Variants in SLC12A8 observed in about 807,000 individuals in gnomAD.
SLC12A8 encodes the protein solute carrier family 12 member 8, also known as cation-chloride cotransporter 9.
Under a neutral mutation model 75.6 loss-of-function variants are expected in SLC12A8, and 69 were observed. That is an observed-to-expected ratio of 0.91 (90% CI 0.75 to 1.11). The LOEUF is 1.11. Among genes scored for constraint, SLC12A8 ranks in the 50% most tolerant of loss-of-function variants. SLC12A8 has a pLI of 0.00. For synonymous variants in SLC12A8, 365 were observed against 372.8 expected (o/e 0.98, Z 0.24); for missense variants, 877 against 896.7 (o/e 0.98, Z 0.28).
chr3:125,201,529 CT>C (rs1935117989), intron 2 of SLC12A8, among the ~76,000 whole-genome samples: 1 of 151,970 alleles, frequency 6.6e-6, no homozygotes, highest in Admixed American at 6.6e-5. Flanking sequence ...AATCCCAGTA[CT>C]TTGGGAGGCC....
rs559650778 is a variant in SLC12A8, at chr3:125,190,576, G to A, written c.52-55C>T. 1.0e-5 allele frequency: 16 copies of A among 1,596,844 alleles called. No individual in the cohort carries two copies. The African/African-American group carries it at 1.5e-4, about 15-fold the overall frequency. ...AGGGGCCATTGGGAGGGCCAGGGATGGCATGAGAGTGGAACAGGAGGAGGG... is the reference window on the plus strand; with the variant it reads ...AGGGGCCATTGGGAGGGCCAGGGATAGCATGAGAGTGGAACAGGAGGAGGG... On this transcript the variant is annotated intron_variant, in intron 2 of 13. Coordinates refer to ENST00000469902, the MANE Select transcript of SLC12A8 (RefSeq NM_024628.6).
At chr3:125,201,472 A>G (rs1483196101) in intron 2 of SLC12A8, among the ~76,000 whole-genome samples, 1 of 152,114 alleles carries the variant, frequency 6.6e-6, no homozygotes, top group Non-Finnish European at 1.5e-5. Flanking sequence ...TTAAAGCATT[A>G]TTGTATTAGA....
intron 5 of SLC12A8, among the ~76,000 whole-genome samples, chr3:125,160,062 C>G (rs1289396769): frequency 6.6e-6 from 1 of 152,212 alleles, no homozygotes; most frequent in Non-Finnish European, 1.5e-5. Context: ...CCTGCCTCAG[C>G]CTTCTGAGTA....
intron 7 of SLC12A8, 190 bp from the exon 8 acceptor site, chr3:125,119,046 C>A: frequency 2.0e-6 from 1 of 488,254 alleles, no homozygotes; most frequent in East Asian, 3.4e-5. Context: ...TATTTCTTAC[C>A]AAAAAAGGGG....
At chr3:125,193,204 G>T (rs1300993907) in intron 2 of SLC12A8, among the ~76,000 whole-genome samples, 1 of 152,080 alleles carries the variant, frequency 6.6e-6, no homozygotes, top group Non-Finnish European at 1.5e-5. Flanking sequence ...CCCTGTCTCT[G>T]CTAAAAAATA....
At chr3:125,085,958 G>A (rs759809799) in intron 13 of SLC12A8, among the ~76,000 whole-genome samples, 28 of 150,180 alleles carry the variant, frequency 1.9e-4, no homozygotes, top group South Asian at 6.3e-4. Flanking sequence ...AGACTGGAGC[G>A]CAATGGTGCG....
chr3:125,092,955 A>G (rs1406572951), intron 10 of SLC12A8, among the ~76,000 whole-genome samples: 1 of 152,190 alleles, frequency 6.6e-6, no homozygotes, highest in East Asian at 1.9e-4. Context: ...TGTACACTGT[A>G]GCCATTAGGC....
chr3:125,201,628 C>T (rs1214902187), intron 2 of SLC12A8, among the ~76,000 whole-genome samples: 2 of 148,228 alleles, frequency 1.3e-5, no homozygotes, highest in Non-Finnish European at 3.0e-5. Flanking sequence ...TTTAAAATAA[C>T]CAGGCATGGT....
Position 125,088,465 on chromosome 3 carries a change from C to T in SLC12A8, c.1922-95G>A. Reference sequence around the variant, plus strand: ...TAGGGTGAATGCAAACCCCAATACACACACACGCACAGAATTAACACAAAT... The same window carrying T: ...TAGGGTGAATGCAAACCCCAATACATACACACGCACAGAATTAACACAAAT... On this transcript the variant is annotated intron_variant, in intron 12 of 13. Transcript: ENST00000469902. The T allele has an allele frequency of 5.5e-6, 5 of 904,846 alleles. No individual in the cohort carries two copies. In the Admixed American group the frequency reaches 9.8e-5, roughly 18 times the overall value. The allele number at this position is 904,846 out of a possible 1,614,324, so 56.1% of individuals were successfully genotyped here.
At chr3:125,148,618 C>T (rs1933844048) in intron 5 of SLC12A8, among the ~76,000 whole-genome samples, 1 of 152,156 alleles carries the variant, frequency 6.6e-6, no homozygotes, top group African/African-American at 2.4e-5. Flanking sequence ...CCAGCTCCAC[C>T]TCTGGGTTCA....
chr3:125,147,007 T>C (rs1933792979), intron 5 of SLC12A8, among the ~76,000 whole-genome samples: 1 of 152,302 alleles, frequency 6.6e-6, no homozygotes, highest in Non-Finnish European at 1.5e-5. Flanking sequence ...GCTCGGGAGT[T>C]TGCCGACGTC....
intron 10 of SLC12A8, among the ~76,000 whole-genome samples, chr3:125,102,165 A>G (rs1938893311): frequency 6.6e-6 from 1 of 152,238 alleles, no homozygotes; most frequent in African/African-American, 2.4e-5. Context: ...ATCCTTCTCC[A>G]AAAGGGGTGA....
At chr3:125,115,418 G>T (rs1448267851) in intron 8 of SLC12A8, among the ~76,000 whole-genome samples, 1 of 152,132 alleles carries the variant, frequency 6.6e-6, no homozygotes, top group African/African-American at 2.4e-5. Context: ...AGCTACTTGG[G>T]GGGCTGAAGC....
chr3:125,137,264 A>G (rs1233699713), intron 5 of SLC12A8, among the ~76,000 whole-genome samples: 1 of 152,204 alleles, frequency 6.6e-6, no homozygotes, highest in Non-Finnish European at 1.5e-5. Context: ...AATCTCAGGG[A>G]AGCACAAGGG....
At chr3:125,141,636 TAGAA>T (rs1257947259) in intron 5 of SLC12A8, among the ~76,000 whole-genome samples, 2 of 152,106 alleles carry the variant, frequency 1.3e-5, no homozygotes, top group Non-Finnish European at 2.9e-5. Flanking sequence ...TTGACTAACT[TAGAA>T]AGCGAGATTT....
intron 5 of SLC12A8, among the ~76,000 whole-genome samples, chr3:125,163,839 G>C (rs1400710462): frequency 6.6e-6 from 1 of 152,206 alleles, no homozygotes. Flanking sequence ...GAGCAGCTGG[G>C]CTCCCAAGCT....
intron 8 of SLC12A8, among the ~76,000 whole-genome samples, chr3:125,117,464 TG>T (rs1277142803): frequency 1.4e-5 from 2 of 145,048 alleles, no homozygotes; most frequent in African/African-American, 5.1e-5. Context: ...GGTGTGGTGG[TG>T]CATGTCTGTA....
chr3:125,187,289 A>T lies in SLC12A8; in HGVS notation c.338T>A (p.Val113Asp). The T allele has an allele frequency of 6.2e-7, 1 of 1,614,168 alleles. No homozygotes were observed. Residue 113 changes from valine to aspartate, a missense_variant, in exon 4 of 14, where the codon GTC becomes GAC. Val to Asp is a radical substitution (Grantham distance 152). Transcript: ENST00000469902. ...GGTGCCTCCCGTCTGCCCACCCAGGACCGAGGAGATCATGGAGTAGACGCC... is the reference window on the plus strand; with the variant it reads ...GGTGCCTCCCGTCTGCCCACCCAGGTCCGAGGAGATCATGGAGTAGACGCC... ...SGGVYSMISS[V>D]LGGQTGGTIG...
At chr3:125,165,979 T>C (rs548414680) in intron 5 of SLC12A8, among the ~76,000 whole-genome samples, 68 of 152,336 alleles carry the variant, frequency 4.5e-4, no homozygotes, top group African/African-American at 1.6e-3. Context: ...GAAAGGTTTT[T>C]TTAAAAATAT....
Sources: gnomAD v4.1 joint callset for allele counts (sites outside exome capture counted in the v4.1 genomes callset) on GRCh38, gnomAD v4.1.1 for gene constraint, MANE v1.5 for transcripts, NCBI Gene and HGNC (gene_info 2026-07-23, HGNC 2026-07-21) for gene names.